TENM2: variants seen among roughly 807,000 people sequenced by gnomAD.
TENM2 encodes teneurin-2.
A neutral mutation model predicts 245.2 loss-of-function variants in TENM2; 52 were observed. That is an observed-to-expected ratio of 0.21 (90% CI 0.17 to 0.27). The LOEUF is 0.27. TENM2 is among the 10% of genes least tolerant of loss of function. The probability of loss-of-function intolerance (pLI) is 1.00; values close to 1 mark genes in which losing one functional copy is unlikely to be tolerated. For synonymous variants in TENM2, 1,363 were observed against 1,438.9 expected (o/e 0.95, Z 1.19); for missense variants, 3,046 against 3,666.8 (o/e 0.83, Z 4.37).
intron 2 of TENM2, among the ~76,000 whole-genome samples, chr5:167,738,687 G>C (rs1046393374): frequency 1.4e-4 from 21 of 152,064 alleles, no homozygotes; most frequent in Non-Finnish European, 3.1e-4. Flanking sequence ...GTCCAAGATC[G>C]AGGTGTCAGC....
chr5:167,886,675 G>T (rs1342408470), intron 3 of TENM2, among the ~76,000 whole-genome samples: 3 of 152,150 alleles, frequency 2.0e-5, no homozygotes, highest in African/African-American at 7.2e-5. Context: ...TGCTATTTTT[G>T]AACTGAACGT....
At chr5:168,228,063 C>A in exon 25 of TENM2, 1 of 1,613,884 alleles carries the variant, frequency 6.2e-7, no homozygotes, top group Non-Finnish European at 8.5e-7. Flanking sequence ...GGCTTAAACT[C>A]CATTGAGTGG....
intron 1 of TENM2, among the ~76,000 whole-genome samples, chr5:167,316,593 A>T (rs1195675963): frequency 6.6e-6 from 1 of 152,228 alleles, no homozygotes; most frequent in African/African-American, 2.4e-5. Context: ...ATACGCATAC[A>T]TATACATAGG....
intron 1 of TENM2, among the ~76,000 whole-genome samples, chr5:167,310,112 G>A (rs1004013108): frequency 5.3e-5 from 8 of 152,220 alleles, no homozygotes; most frequent in Non-Finnish European, 1.2e-4. Context: ...GTCCCAAAGC[G>A]TAGTGCTTAC....
chr5:168,031,999 G>C (rs1457416895), intron 5 of TENM2, among the ~76,000 whole-genome samples: 2 of 152,138 alleles, frequency 1.3e-5, no homozygotes, highest in African/African-American at 4.8e-5. Context: ...GTAGAGTCTG[G>C]CTTTGGAGGG....
chr5:167,351,478 A>T (rs749084870), intron 1 of TENM2, among the ~76,000 whole-genome samples: 1 of 152,152 alleles, frequency 6.6e-6, no homozygotes, highest in Non-Finnish European at 1.5e-5. Flanking sequence ...CCTAGATGCT[A>T]TGGGTTCACT....
intron 3 of TENM2, among the ~76,000 whole-genome samples, chr5:167,885,997 A>G (rs1341865964): frequency 6.6e-6 from 1 of 152,174 alleles, no homozygotes; most frequent in Non-Finnish European, 1.5e-5. Context: ...AGCCCTTTCT[A>G]ACATTCTTAC....
the TENM2 span, among the ~76,000 whole-genome samples, chr5:167,147,412 T>A: frequency 6.6e-6 from 1 of 152,204 alleles, no homozygotes; most frequent in African/African-American, 2.4e-5. Flanking sequence ...CGGATGTTGA[T>A]GGCAGTTGAA....
intron 1 of TENM2, among the ~76,000 whole-genome samples, chr5:167,368,966 G>A (rs923976946): frequency 3.3e-5 from 5 of 152,228 alleles, no homozygotes; most frequent in Non-Finnish European, 7.4e-5. Flanking sequence ...AAAAGTCCGG[G>A]ATCCCCGCGC....
intron 2 of TENM2, among the ~76,000 whole-genome samples, chr5:167,404,682 C>T (rs1481251268): frequency 6.6e-6 from 1 of 152,058 alleles, no homozygotes; most frequent in Non-Finnish European, 1.5e-5. Context: ...TCTACAATGA[C>T]CCTCTCCATG....
At chr5:167,889,026 G>A (rs530221722) in intron 3 of TENM2, among the ~76,000 whole-genome samples, 3 of 152,046 alleles carry the variant, frequency 2.0e-5, no homozygotes, top group South Asian at 2.1e-4. Flanking sequence ...GTGATCAATC[G>A]TTCTTCTTTT....
intron 13 of TENM2, among the ~76,000 whole-genome samples, chr5:168,183,759 C>A (rs1760138398): frequency 6.6e-6 from 1 of 151,588 alleles, no homozygotes; most frequent in Non-Finnish European, 1.5e-5. Flanking sequence ...CCAGACTTTC[C>A]TTGGGGAAGT....
chr5:167,256,050 T>G, the TENM2 span, among the ~76,000 whole-genome samples: 2 of 152,176 alleles, frequency 1.3e-5, no homozygotes, highest in East Asian at 3.9e-4. Context: ...ACGCTCTTTA[T>G]TCCCGTTCAT....
exon 1 of TENM2, chr5:167,284,999 G>C: frequency 2.6e-6 from 4 of 1,552,090 alleles, no homozygotes; most frequent in South Asian, 1.2e-5. Context: ...ATGACAGCAG[G>C]ATGCACTATG....
intron 2 of TENM2, among the ~76,000 whole-genome samples, chr5:167,388,322 G>A (rs1761563360): frequency 6.6e-6 from 1 of 152,016 alleles, no homozygotes; most frequent in Non-Finnish European, 1.5e-5. Context: ...AGCATTGACT[G>A]ATCTTTTGTA....
chr5:167,467,694 T>C (rs1766755560), intron 2 of TENM2, among the ~76,000 whole-genome samples: 1 of 152,150 alleles, frequency 6.6e-6, no homozygotes, highest in Non-Finnish European at 1.5e-5. Flanking sequence ...TAAGAACATA[T>C]TTTATAGAAC....
chr5:167,513,941 T>C (rs1562016821), intron 2 of TENM2, among the ~76,000 whole-genome samples: 1 of 152,166 alleles, frequency 6.6e-6, no homozygotes, highest in Non-Finnish European at 1.5e-5. Flanking sequence ...GGAAGAATGA[T>C]AAGGCATCTA....
At chr5:167,491,583 CA>C (rs1371713699) in intron 2 of TENM2, among the ~76,000 whole-genome samples, 2 of 152,136 alleles carry the variant, frequency 1.3e-5, no homozygotes, top group Non-Finnish European at 2.9e-5. Context: ...AGGCTTTCAC[CA>C]AAAGGTTGTC....
chr5:167,395,248 T>C (rs1761985789), intron 2 of TENM2, among the ~76,000 whole-genome samples: 1 of 152,166 alleles, frequency 6.6e-6, no homozygotes, highest in South Asian at 2.1e-4. Context: ...TTTTTGCTGC[T>C]ATTATAGTGG....
Sources: gnomAD v4.1 joint callset for allele counts (sites outside exome capture counted in the v4.1 genomes callset) on GRCh38, gnomAD v4.1.1 for gene constraint, MANE v1.5 for transcripts, NCBI Gene and HGNC (gene_info 2026-07-23, HGNC 2026-07-21) for gene names.